The following PCSK5 variants were observed in gnomAD, a reference collection of about 807,000 sequenced individuals.
PCSK5 encodes the protein prohormone convertase 5.
PCSK5 carries 129 observed loss-of-function variants against 233.2 expected under a neutral mutation model. That is an observed-to-expected ratio of 0.55 (90% CI 0.48 to 0.64). The LOEUF (loss-of-function observed/expected upper bound fraction) is 0.64, where lower values mean the gene tolerates loss of function less well. PCSK5 is among the 30% of genes least tolerant of loss of function. The probability of loss-of-function intolerance (pLI) is 0.00; values close to 1 mark genes in which losing one functional copy is unlikely to be tolerated. For missense variants in PCSK5, 2,076 were observed against 2,430.1 expected, an observed-to-expected ratio of 0.85 and a Z score of 3.06; for synonymous variants, 825 against 879.2, an observed-to-expected ratio of 0.94 and a Z score of 1.09.
At chr9:75,891,464 G>T in intron 1 of PCSK5, 91 bp downstream of exon 1, 1 of 1,080,924 alleles carries the variant, frequency 9.3e-7, no homozygotes, top group Admixed American at 2.8e-5. Context: ...CCCTCTTCCA[G>T]ATGTGCTCTA....
In PCSK5 at chr9:75,987,199, G is replaced by A. The variant is rs191918093; in HGVS notation, c.411+954G>A. On this transcript the variant is annotated intron_variant, in intron 3 of 37. Transcript: ENST00000674117. ...CTCCCATTCCTTCTGCCTGGAATAC[G>A]TTCCCTGCCCTTCCCCACCTCCTTG... is the stretch of plus-strand genomic sequence containing the variant. 2.7e-4 allele frequency among the ~76,000 whole-genome samples: 41 copies of A among 152,038 alleles called. No individual in the cohort carries two copies. The East Asian group carries it at 7.2e-3, about 27-fold the overall frequency.
chr9:76,316,366 C>G (rs1449287861), intron 30 of PCSK5, among the ~76,000 whole-genome samples: 1 of 152,012 alleles, frequency 6.6e-6, no homozygotes, highest in African/African-American at 2.4e-5. Context: ...AAAGACCAGA[C>G]CTCTCTTTGG....
At chr9:75,914,476 G>C (rs934020346) in intron 1 of PCSK5, among the ~76,000 whole-genome samples, 1 of 152,120 alleles carries the variant, frequency 6.6e-6, no homozygotes, top group African/African-American at 2.4e-5. Flanking sequence ...ATGACCTTTA[G>C]GTAGTTTTAG....
At position 76,028,968 on chromosome 9, in the gene PCSK5, T is replaced by A. The variant is rs749112759; in HGVS notation, c.632+1931T>A. Among the ~76,000 whole-genome samples, 12 of 152,138 alleles carry A rather than the reference T, an allele frequency of 7.9e-5. No homozygotes were observed. The South Asian group carries it at 2.5e-3, about 31-fold the overall frequency. On this transcript the variant is annotated intron_variant, in intron 5 of 37. Transcript: ENST00000674117. ...TTCTCAGTTATAATTTTTGCAAAGG[T>A]GATTCTAGTCCCTCCCCTTGGGTTT...
At chr9:76,301,827 G>A (rs1828615031) in intron 27 of PCSK5, among the ~76,000 whole-genome samples, 1 of 150,590 alleles carries the variant, frequency 6.6e-6, no homozygotes, top group Non-Finnish European at 1.5e-5. Context: ...CTGGGAAACA[G>A]AGCAAGACTC....
intron 20 of PCSK5, chr9:76,193,504 C>T (rs1824528161): frequency 3.4e-6 from 2 of 594,502 alleles, no homozygotes; most frequent in Admixed American, 7.0e-5. Flanking sequence ...CAAGTTTGTG[C>T]AGGGAGATGG....
chr9:76,102,217 T>G (rs1831790893), intron 8 of PCSK5, among the ~76,000 whole-genome samples: 1 of 152,198 alleles, frequency 6.6e-6, no homozygotes, highest in Non-Finnish European at 1.5e-5. Context: ...TACAGTTTGA[T>G]ATCTTTAGCA....
intron 2 of PCSK5, among the ~76,000 whole-genome samples, chr9:75,975,814 C>G (rs1007518720): frequency 1.2e-4 from 19 of 152,124 alleles, no homozygotes; most frequent in Non-Finnish European, 2.2e-4. Flanking sequence ...ATTACCTTGC[C>G]TTGGCTTTCG....
chr9:76,227,663 G>A, intron 21 of PCSK5, 58 bp downstream of exon 21: 1 of 1,108,206 alleles, frequency 9.0e-7, no homozygotes, highest in Non-Finnish European at 1.4e-6. Flanking sequence ...AGGGTGGAGA[G>A]AGGAGGTGCT....
At chr9:76,174,910 G>C in intron 13 of PCSK5, 76 bp from the exon 14 acceptor site, 1 of 1,366,482 alleles carries the variant, frequency 7.3e-7, no homozygotes. Context: ...TTTCTTGAGT[G>C]AGAAGGACTT....
chr9:76,059,426 C>T (rs1054437033), intron 5 of PCSK5, among the ~76,000 whole-genome samples: 13 of 152,164 alleles, frequency 8.5e-5, no homozygotes, highest in Non-Finnish European at 1.6e-4. Context: ...GACATGAAGT[C>T]CTTGCCCATG....
intron 13 of PCSK5, among the ~76,000 whole-genome samples, chr9:76,173,448 C>A (rs1823412670): frequency 1.6e-5 from 2 of 127,112 alleles, no homozygotes; most frequent in South Asian, 2.5e-4. Context: ...ACGGTTGATT[C>A]CTTTTGAGAT....
In PCSK5 at chr9:76,351,520, GAAA is replaced by G. The variant is rs1195369799; in HGVS notation, c.5067+593_5067+595del. On this transcript the variant is annotated intron_variant, in intron 36 of 37. Transcript: ENST00000674117. ...AGAAAGAAAGAAAGAAAGAAAGAAA[GAAA>G]GAAAGAAAGGAAGGAAAGAAAGAGA... Among the ~76,000 whole-genome samples the G allele has an allele frequency of 3.0e-3, 359 of 119,264 alleles. 67 individuals are homozygous for G. The highest frequency in any genetic ancestry group is 0.011 in the African/African-American group (323 of 30,518). 78.2% of individuals were successfully genotyped at this position (119,264 alleles called of 152,430 possible).
At chr9:75,943,577 A>G (rs924578810) in intron 2 of PCSK5, among the ~76,000 whole-genome samples, 2 of 152,092 alleles carry the variant, frequency 1.3e-5, no homozygotes, top group African/African-American at 4.8e-5. Context: ...CCAATTATCA[A>G]TCAGTTCTTA....
intron 30 of PCSK5, among the ~76,000 whole-genome samples, chr9:76,317,026 T>C (rs954914641): frequency 2.6e-4 from 40 of 152,144 alleles, no homozygotes; most frequent in African/African-American, 9.4e-4. Context: ...CTCTCTCTTC[T>C]ACCTAGACTG....
At chr9:76,011,487 A>G (rs1334220445) in intron 3 of PCSK5, among the ~76,000 whole-genome samples, 1 of 152,254 alleles carries the variant, frequency 6.6e-6, no homozygotes, top group Non-Finnish European at 1.5e-5. Context: ...GAATGATATT[A>G]AAGTGGTCTT....
At chr9:76,354,307 A>C in intron 37 of PCSK5, 88 bp downstream of exon 37, 1 of 1,048,988 alleles carries the variant, frequency 9.5e-7, no homozygotes, top group Non-Finnish European at 1.4e-6. Context: ...TGGAAAGTTC[A>C]GGAGAATCAA....
At chr9:76,117,691 A>G (rs1231758909) in intron 9 of PCSK5, among the ~76,000 whole-genome samples, 1 of 152,194 alleles carries the variant, frequency 6.6e-6, no homozygotes, top group Admixed American at 6.5e-5. Context: ...CTGCCTGTAT[A>G]TGATTGAAAA....
chr9:75,982,167 CTT>C (rs1280799946), intron 2 of PCSK5, among the ~76,000 whole-genome samples: 1 of 152,060 alleles, frequency 6.6e-6, no homozygotes, highest in Non-Finnish European at 1.5e-5. Flanking sequence ...ATTTCATTCT[CTT>C]TTATGGTTGT....
Sources: allele counts gnomAD v4.1 joint callset (sites outside exome capture counted in the v4.1 genomes callset), GRCh38; gene constraint gnomAD v4.1.1; transcripts MANE v1.5; gene names NCBI Gene and HGNC (gene_info 2026-07-23, HGNC 2026-07-21).